ABCB1: variants seen among roughly 807,000 people sequenced by gnomAD.
ABCB1 encodes the protein ATP-dependent translocase ABCB1.
Under a neutral mutation model 142.0 loss-of-function variants are expected in ABCB1, and 69 were observed. That is an observed-to-expected ratio of 0.49 (90% CI 0.40 to 0.59). The LOEUF (loss-of-function observed/expected upper bound fraction) is 0.59. Among genes scored for constraint, ABCB1 ranks in the 20% least tolerant of loss-of-function variants. The pLI is 0.00. For missense variants in ABCB1, 1,326 were observed against 1,554.7 expected, an observed-to-expected ratio of 0.85 and a Z score of 2.47; for synonymous variants, 532 against 539.2, an observed-to-expected ratio of 0.99 and a Z score of 0.18.
intron 1 of ABCB1, among the ~76,000 whole-genome samples, chr7:87,712,672 C>G (rs1384561254): frequency 6.6e-6 from 1 of 151,822 alleles, no homozygotes; most frequent in Admixed American, 6.6e-5. Context: ...TGCTTTCTGC[C>G]TTGTTCTTAA....
intron 1 of ABCB1, among the ~76,000 whole-genome samples, chr7:87,622,308 G>T (rs557823531): frequency 3.3e-5 from 5 of 151,984 alleles, no homozygotes; most frequent in African/African-American, 1.2e-4. Flanking sequence ...AAACATAAAT[G>T]AACAATAAGT....
intron 21 of ABCB1, chr7:87,521,974 T>C: frequency 1.2e-6 from 1 of 817,312 alleles, no homozygotes; most frequent in South Asian, 1.3e-5. Context: ...ATACTGTGAA[T>C]GGCCACACTT....
At chr7:87,592,193 A>G (rs1020125534) in intron 3 of ABCB1, among the ~76,000 whole-genome samples, 4 of 152,220 alleles carry the variant, frequency 2.6e-5, no homozygotes, top group Non-Finnish European at 5.9e-5. Flanking sequence ...GTCAATGCCA[A>G]TGGGACAGAT....
Position 87,527,126 on chromosome 7 carries a change from T to C in ABCB1, c.2685+4168A>G, listed in dbSNP as rs889354686. Among the ~76,000 whole-genome samples the C allele has an allele frequency of 2.0e-5, 3 of 152,202 alleles. 1 individual carries two copies. The highest frequency in any genetic ancestry group is 2.0e-4 in the Admixed American group (3 of 15,286). On this transcript the variant is annotated intron_variant, in intron 21 of 27. Transcript: ENST00000622132. ...CTTGATTGGCAGAAGCTCCTTCTCC[T>C]GCTATCTTGACATTTTTTTAAAGCC...
chr7:87,665,773 C>G (rs1158588490), intron 1 of ABCB1, among the ~76,000 whole-genome samples: 1 of 152,060 alleles, frequency 6.6e-6, no homozygotes, highest in Non-Finnish European at 1.5e-5. Flanking sequence ...CTCCCACTTA[C>G]AAGTGATAAC....
intron 1 of ABCB1, among the ~76,000 whole-genome samples, chr7:87,646,749 A>G (rs1823041031): frequency 2.1e-5 from 3 of 142,766 alleles, no homozygotes; most frequent in Admixed American, 2.1e-4. Flanking sequence ...AGGGATTGGC[A>G]GCATTATTCT....
chr7:87,691,859 G>A (rs1030509002), intron 1 of ABCB1, among the ~76,000 whole-genome samples: 2 of 152,062 alleles, frequency 1.3e-5, no homozygotes, highest in African/African-American at 2.4e-5. Context: ...AGAGAAAACC[G>A]ATTGCTGGGT....
chr7:87,516,791 C>T, intron 23 of ABCB1, 126 bp from the exon 24 acceptor site: 3 of 957,904 alleles, frequency 3.1e-6, no homozygotes, highest in Admixed American at 2.5e-5. Context: ...GGCTGGAGTG[C>T]AGTAGTGCAA....
chr7:87,683,799 G>A (rs79284611), intron 1 of ABCB1, among the ~76,000 whole-genome samples: 2,503 of 152,224 alleles, frequency 0.016, 71 homozygotes, highest in African/African-American at 0.056. Context: ...AAATTGCACC[G>A]AAAGACTTGC....
chr7:87,702,309 T>TG (rs1829161148), intron 1 of ABCB1, among the ~76,000 whole-genome samples: 1 of 151,930 alleles, frequency 6.6e-6, no homozygotes, highest in African/African-American at 2.4e-5. Context: ...GACAGGGTCT[T>TG]GCTCTGTTGC....
chr7:87,553,477 C>T (rs1017564422), intron 9 of ABCB1, among the ~76,000 whole-genome samples: 3 of 151,936 alleles, frequency 2.0e-5, no homozygotes, highest in Non-Finnish European at 2.9e-5. Context: ...CCCGCCACCA[C>T]GCCCGGCTAA....
Position 87,564,239 on chromosome 7 carries a change from T to C in ABCB1, c.702+1831A>G, listed in dbSNP as rs184289365. The C allele has an allele frequency of 2.5e-3, 980 of 394,886 alleles. 1 individual carries two copies. Among genetic ancestry groups the C allele is most frequent in the Non-Finnish European group, 3.5e-3 (711 of 202,028 alleles). The allele number at this position is 394,886 out of a possible 1,614,324, so 24.5% of individuals were successfully genotyped here. ...GCAGTTGTTCCATTGAAGTTTAGCA[T>C]GATAGTATTGGTCTACTTTTGTGAG... On this transcript the variant is annotated intron_variant, in intron 7 of 27. Transcript: ENST00000622132.
chr7:87,667,880 G>T (rs571028639), intron 1 of ABCB1, among the ~76,000 whole-genome samples: 2 of 152,080 alleles, frequency 1.3e-5, no homozygotes, highest in South Asian at 4.2e-4. Flanking sequence ...TGCCAGATTT[G>T]GTTTTCCAGT....
At chr7:87,672,176 C>G (rs977672803) in intron 1 of ABCB1, among the ~76,000 whole-genome samples, 6 of 152,196 alleles carry the variant, frequency 3.9e-5, no homozygotes, top group South Asian at 2.1e-4. Flanking sequence ...CTGGAGAACA[C>G]AGGCAGGGAT....
At chr7:87,561,597 A>G (rs1457430369) in intron 7 of ABCB1, among the ~76,000 whole-genome samples, 1 of 152,184 alleles carries the variant, frequency 6.6e-6, no homozygotes, top group East Asian at 1.9e-4. Flanking sequence ...TGGGTCCCAG[A>G]GGGTCCTATT....
chr7:87,504,740 G>A (rs1223585718), intron 27 of ABCB1, among the ~76,000 whole-genome samples: 1 of 151,436 alleles, frequency 6.6e-6, no homozygotes, highest in Non-Finnish European at 1.5e-5. Flanking sequence ...GGGAGGCAGA[G>A]CTTGCAGGGA....
At chr7:87,573,207 C>T (rs1818126499) in intron 4 of ABCB1, among the ~76,000 whole-genome samples, 2 of 152,140 alleles carry the variant, frequency 1.3e-5, no homozygotes, top group African/African-American at 4.8e-5. Flanking sequence ...AGGGGAACTC[C>T]CATTAATAAA....
intron 1 of ABCB1, among the ~76,000 whole-genome samples, chr7:87,616,397 GT>G (rs1387066509): frequency 1.3e-5 from 2 of 152,200 alleles, no homozygotes; most frequent in Non-Finnish European, 2.9e-5. Context: ...AGTGATGGAT[GT>G]TTTGTGCAAT....
At chr7:87,511,597 G>A (rs913679219) in intron 25 of ABCB1, among the ~76,000 whole-genome samples, 2 of 152,152 alleles carry the variant, frequency 1.3e-5, no homozygotes, top group Non-Finnish European at 2.9e-5. Flanking sequence ...ACACTTATAA[G>A]GTCACTGTGA....
Sources: gnomAD v4.1 joint callset for allele counts (sites outside exome capture counted in the v4.1 genomes callset) on GRCh38, gnomAD v4.1.1 for gene constraint, MANE v1.5 for transcripts, NCBI Gene and HGNC (gene_info 2026-07-23, HGNC 2026-07-21) for gene names.